Variants in NMD3 observed in about 807,000 individuals in gnomAD.
The protein encoded by NMD3 is NMD3 ribosome export adaptor.
A neutral mutation model predicts 73.1 loss-of-function variants in NMD3; 47 were observed. The observed-to-expected ratio is 0.64, with a 90% CI of 0.51 to 0.82. NMD3 has a LOEUF of 0.82. NMD3 is among the 40% of genes least tolerant of loss of function. The pLI is 0.00. For synonymous variants in NMD3, 210 were observed against 194.5 expected, an observed-to-expected ratio of 1.08 and a Z score of -0.66; for missense variants, 554 against 612.5, an observed-to-expected ratio of 0.90 and a Z score of 1.01.
downstream of NMD3, chr3:161,252,437 A>C (rs1737528007): frequency 6.3e-6 from 1 of 158,042 alleles, no homozygotes; most frequent in African/African-American, 2.4e-5. Context: ...AACCTTATTT[A>C]GTCTTACTCA....
rs529484584 is a variant in NMD3, at chr3:161,238,651, T to G, written c.657-79T>G. 11 of 742,386 alleles carry G rather than the reference T, an allele frequency of 1.5e-5. No homozygotes were observed. The Admixed American group carries it at 1.8e-4, about 12-fold the overall frequency. The allele number at this position is 742,386 out of a possible 1,614,324, so 46.0% of individuals were successfully genotyped here. On this transcript the variant is annotated intron_variant, in intron 8 of 15. Transcript: ENST00000351193. ...GACCTTGGACAATGATGGTTTGATT[T>G]AATGAAAATTGATATTCCTGAGTCC...
At chr3:161,234,292 T>G (rs556331679) in intron 5 of NMD3, among the ~76,000 whole-genome samples, 18 of 151,836 alleles carry the variant, frequency 1.2e-4, no homozygotes, top group East Asian at 7.7e-4. Flanking sequence ...AATACAAAAG[T>G]TAGCTGGACG....
chr3:161,230,309 T>C (rs533503815), intron 4 of NMD3, among the ~76,000 whole-genome samples: 166 of 152,106 alleles, frequency 1.1e-3, no homozygotes, highest in African/African-American at 3.9e-3. Context: ...TTCTCTCTCT[T>C]TTTGGCCCTG....
At chr3:161,237,567 T>C (rs991931426) in intron 7 of NMD3, among the ~76,000 whole-genome samples, 6 of 145,844 alleles carry the variant, frequency 4.1e-5, no homozygotes, top group African/African-American at 1.5e-4. Flanking sequence ...TGACATGAAG[T>C]CTTGCTCTGT....
rs545003573 is a variant in NMD3 at position 161,248,133 on chromosome 3, G to A, written c.1203+803G>A. Among the ~76,000 whole-genome samples, 65 of 152,128 alleles carry A rather than the reference G, an allele frequency of 4.3e-4. 1 individual carries two copies. In the South Asian group the frequency reaches 0.012, roughly 29 times the overall value. ...GTGGGGTAAATCCAAGATTTATTGT[G>A]ATTGTTCCTTTTCTAATCACATTTT... On this transcript the variant is annotated intron_variant, in intron 13 of 15. Coordinates refer to ENST00000351193, the MANE Select transcript of NMD3 (RefSeq NM_015938.5).
chr3:161,245,199 T>C (rs1737152782), intron 11 of NMD3, among the ~76,000 whole-genome samples: 1 of 151,918 alleles, frequency 6.6e-6, no homozygotes, highest in African/African-American at 2.4e-5. Flanking sequence ...AAATAACTTG[T>C]GATAATTTGG....
chr3:161,250,362 GTA>G (rs912611203), intron 15 of NMD3, 36 bp downstream of exon 15: 1 of 1,181,194 alleles, frequency 8.5e-7, no homozygotes, highest in African/African-American at 1.5e-5. Flanking sequence ...CATTTGTTCT[GTA>G]TATAAGTATA....
chr3:161,234,551 C>T (rs1368802246), intron 5 of NMD3, among the ~76,000 whole-genome samples, 176 bp from the exon 6 acceptor site: 1 of 151,602 alleles, frequency 6.6e-6, no homozygotes, highest in African/African-American at 2.4e-5. Context: ...AATCTGTATA[C>T]CGTTCTTGAA....
chr3:161,226,034 T>A (rs1286592067), intron 3 of NMD3, among the ~76,000 whole-genome samples: 3 of 152,152 alleles, frequency 2.0e-5, no homozygotes, highest in Non-Finnish European at 4.4e-5. Context: ...CAGACTTAGT[T>A]TGTCTTGGCT....
intron 12 of NMD3, 119 bp from the exon 13 acceptor site, chr3:161,247,139 T>G (rs888174741): frequency 3.2e-6 from 2 of 621,770 alleles, no homozygotes; most frequent in Non-Finnish European, 5.8e-6. Context: ...GACAGAACTT[T>G]TAAAGTGAGA....
rs1736973856 is a variant in NMD3, at chr3:161,241,241, A to C, written c.871+78A>C. On this transcript the variant is annotated intron_variant, in intron 10 of 15. Coordinates refer to ENST00000351193, the MANE Select transcript of NMD3 (RefSeq NM_015938.5). ...TAATAATTTGTGTTGTTAATTTTTC[A>C]AGCATTCTTGCTAATATTGTTTTGA... The C allele has an allele frequency of 3.4e-6, 3 of 880,912 alleles. No homozygotes were observed. The East Asian group carries it at 7.5e-5, about 22-fold the overall frequency. 54.6% of individuals were successfully genotyped at this position (880,912 alleles called of 1,614,324 possible).
chr3:161,252,685 G>T (rs145689197), downstream of NMD3: 781 of 567,936 alleles, frequency 1.4e-3, 8 homozygotes, highest in African/African-American at 0.013. Context: ...GGGAAGGCTG[G>T]TATTAATCAA....
chr3:161,241,649 G>T (rs1419965595), intron 10 of NMD3, among the ~76,000 whole-genome samples: 4 of 152,078 alleles, frequency 2.6e-5, no homozygotes, highest in African/African-American at 4.8e-5. Flanking sequence ...TTGAACTCCT[G>T]ACCTCGTGAT....
At chr3:161,231,705 C>A (rs1736550860) in intron 4 of NMD3, among the ~76,000 whole-genome samples, 1 of 152,046 alleles carries the variant, frequency 6.6e-6, no homozygotes, top group Non-Finnish European at 1.5e-5. Context: ...GTGCCTGGTC[C>A]AGTGATAGGA....
At position 161,242,533 on chromosome 3, in the gene NMD3, C is replaced by G. The variant is rs370947525; in HGVS notation, c.897C>G (p.Phe299Leu). Residue 299 changes from phenylalanine to leucine, a missense_variant, in exon 11 of 16, where the codon TTC (phenylalanine) becomes TTG (leucine). Phe to Leu is a conservative substitution (Grantham distance 22, BLOSUM62 0). Coordinates refer to ENST00000351193, the MANE Select transcript of NMD3 (RefSeq NM_015938.5). ...LQVADIDGST[F>L]WSHPFNSLCH... ...TGGCAGATATTGATGGGAGCACTTT[C>G]TGGAGTCACCCTTTCAATAGTTTAT... The G allele has an allele frequency of 6.2e-7, 1 of 1,613,298 alleles. No individual in the cohort carries two copies. The highest frequency in any genetic ancestry group is 1.7e-5 in the Admixed American group (1 of 59,998).
chr3:161,235,015 T>C, intron 6 of NMD3, 107 bp from the exon 7 acceptor site: 1 of 952,206 alleles, frequency 1.1e-6, no homozygotes, highest in Admixed American at 2.4e-5. Flanking sequence ...TAAAGATTGT[T>C]ATTGTTTGAA....
intron 3 of NMD3, among the ~76,000 whole-genome samples, chr3:161,226,161 G>A (rs1159740482): frequency 2.0e-5 from 3 of 151,926 alleles, no homozygotes; most frequent in East Asian, 1.9e-4. Context: ...AACTCTAAAC[G>A]TTTACTCATA....
Position 161,249,586 on chromosome 3 carries a change from T to C in NMD3, c.1310+26T>C. On this transcript the variant is annotated intron_variant, in intron 14 of 15. Coordinates refer to ENST00000351193, the MANE Select transcript of NMD3 (RefSeq NM_015938.5). ...GTCTCGCTTTTCTTTAAATCTCTTA[T>C]GTTGTCTCAAAGGAAATATTTATGA... The C allele has an allele frequency of 6.7e-6, 9 of 1,351,194 alleles. 1 individual carries two copies. The highest frequency in any genetic ancestry group is 6.4e-6 in the Non-Finnish European group (6 of 944,832). The allele number at this position is 1,351,194 out of a possible 1,614,324, so 83.7% of individuals were successfully genotyped here.
intron 9 of NMD3, 75 bp from the exon 10 acceptor site, chr3:161,240,971 G>A: frequency 1.3e-6 from 1 of 789,748 alleles, no homozygotes; most frequent in Non-Finnish European, 2.1e-6. Flanking sequence ...AATTGGATTG[G>A]GTGTTTATTG....
Sources: gnomAD v4.1 joint callset for allele counts (sites outside exome capture counted in the v4.1 genomes callset) on GRCh38, gnomAD v4.1.1 for gene constraint, MANE v1.5 for transcripts, NCBI Gene and HGNC (gene_info 2026-07-23, HGNC 2026-07-21) for gene names.